The following PTPRD variants were observed in gnomAD, a reference collection of about 807,000 sequenced individuals.
The protein encoded by PTPRD is receptor-type tyrosine-protein phosphatase delta.
A neutral mutation model predicts 214.5 loss-of-function variants in PTPRD; 34 were observed. The observed-to-expected ratio is 0.16, with a 90% CI of 0.12 to 0.21. The LOEUF is 0.21. PTPRD is among the 10% of genes least tolerant of loss of function. The probability of loss-of-function intolerance (pLI) is 1.00; values close to 1 mark genes in which losing one functional copy is unlikely to be tolerated. For missense variants in PTPRD, 2,545 were observed against 2,398.7 expected (o/e 1.06, Z -1.27); for synonymous variants, 1,128 against 845.7 (o/e 1.33, Z -5.79).
At chr9:8,322,805 C>T (rs1403313347) in intron 44 of PTPRD, among the ~76,000 whole-genome samples, 1 of 152,124 alleles carries the variant, frequency 6.6e-6, no homozygotes, top group South Asian at 2.1e-4. Flanking sequence ...ACTTTGATAG[C>T]TACAGAGGAG....
intron 3 of PTPRD, among the ~76,000 whole-genome samples, chr9:10,321,899 A>G (rs766119369): frequency 6.6e-6 from 1 of 152,046 alleles, no homozygotes; most frequent in African/African-American, 2.4e-5. Context: ...AAGCATTTTA[A>G]CTTTGAAATG....
intron 7 of PTPRD, among the ~76,000 whole-genome samples, chr9:9,631,333 A>G (rs1209940325): frequency 6.6e-6 from 1 of 152,174 alleles, no homozygotes; most frequent in Non-Finnish European, 1.5e-5. Context: ...GCAGCAAGAT[A>G]CAGCTGAAGG....
chr9:8,909,407 A>G (rs544126466), intron 11 of PTPRD, among the ~76,000 whole-genome samples: 85 of 152,326 alleles, frequency 5.6e-4, no homozygotes, highest in African/African-American at 2.0e-3. Context: ...TGAATTATAT[A>G]TATTGATCGA....
chr9:9,916,230 G>C (rs552849106), intron 5 of PTPRD, among the ~76,000 whole-genome samples: 4 of 152,062 alleles, frequency 2.6e-5, no homozygotes, highest in Admixed American at 2.0e-4. Context: ...ATGTTCAAGA[G>C]AATTGTAGCT....
intron 11 of PTPRD, among the ~76,000 whole-genome samples, chr9:8,942,084 G>A (rs1462301775): frequency 6.6e-6 from 1 of 152,158 alleles, no homozygotes; most frequent in Non-Finnish European, 1.5e-5. Context: ...GGAATTACAG[G>A]CGTGAGCCAC....
chr9:9,158,242 A>T (rs1249317315), intron 10 of PTPRD, among the ~76,000 whole-genome samples: 3 of 152,194 alleles, frequency 2.0e-5, no homozygotes, highest in African/African-American at 7.2e-5. Context: ...CTGTAGTGGG[A>T]TTGCTGGGTC....
chr9:8,490,057 T>G (rs948840600), intron 27 of PTPRD, among the ~76,000 whole-genome samples: 2 of 152,124 alleles, frequency 1.3e-5, no homozygotes, highest in African/African-American at 2.4e-5. Context: ...CTTTTATAAG[T>G]CATGCCAGCT....
chr9:10,440,997 A>G (rs2098754505), intron 2 of PTPRD, among the ~76,000 whole-genome samples: 1 of 151,762 alleles, frequency 6.6e-6, no homozygotes, highest in African/African-American at 2.4e-5. Context: ...ACTTCAAAGA[A>G]ATAGCAAAAA....
intron 3 of PTPRD, among the ~76,000 whole-genome samples, chr9:10,262,016 C>G (rs765960969): frequency 6.6e-6 from 1 of 151,774 alleles, no homozygotes; most frequent in African/African-American, 2.4e-5. Flanking sequence ...TTTGATTGCC[C>G]CACAATCAAA....
chr9:9,939,093 T>G (rs1456381613), intron 4 of PTPRD, among the ~76,000 whole-genome samples: 1 of 152,142 alleles, frequency 6.6e-6, no homozygotes, highest in African/African-American at 2.4e-5. Context: ...TTTATGCCTA[T>G]GCTCTTTTGT....
In PTPRD at chr9:8,518,197, G is replaced by C; in HGVS notation, c.1194C>G (p.Asn398Lys). 6.2e-7 allele frequency: 1 copy of C among 1,614,158 alleles called. No individual in the cohort carries two copies. Among genetic ancestry groups the C allele is most frequent in the Non-Finnish European group, 8.5e-7 (1 of 1,180,012 alleles). ...GTTCGCTGGGAGGCCCCCGCCCAAT[G>C]TTATTGACAGCAACAACCCTGAATT... The part of the protein sequence containing the change: ...DYEFRVVAVN[N>K]IGRGPPSEPV... The change falls in exon 21 of 46, where the codon AAC (asparagine) becomes AAG (lysine). Residue 398 changes from asparagine to lysine, a missense_variant. Coordinates refer to ENST00000381196, the MANE Select transcript of PTPRD (RefSeq NM_002839.4).
intron 14 of PTPRD, among the ~76,000 whole-genome samples, chr9:8,581,348 G>C (rs1475437732): frequency 6.6e-6 from 1 of 152,134 alleles, no homozygotes; most frequent in African/African-American, 2.4e-5. Flanking sequence ...AGGACTGACA[G>C]AACTAAATTC....
chr9:9,245,734 C>A (rs369428258), intron 9 of PTPRD, among the ~76,000 whole-genome samples: 1 of 152,074 alleles, frequency 6.6e-6, no homozygotes, highest in Non-Finnish European at 1.5e-5. Context: ...CAAACCTGCA[C>A]GTTGTGCACA....
chr9:9,342,901 C>G (rs544035531), intron 9 of PTPRD, among the ~76,000 whole-genome samples: 3 of 152,014 alleles, frequency 2.0e-5, no homozygotes, highest in African/African-American at 7.2e-5. Flanking sequence ...GTGATGTTCT[C>G]CTCCCTGTAT....
In PTPRD at chr9:8,958,024, A is replaced by G. The variant is rs974762014; in HGVS notation, c.-104+60673T>C. Reference sequence around the variant, plus strand: ...TAGCAGGGGAAGAACCATTAGTTACATGCTCCTTAAAACGTAATGCTAATC... The same window carrying G: ...TAGCAGGGGAAGAACCATTAGTTACGTGCTCCTTAAAACGTAATGCTAATC... On this transcript the variant is annotated intron_variant, in intron 11 of 45. Transcript: ENST00000381196. Among the ~76,000 whole-genome samples, 4 of 152,074 alleles carry G rather than the reference A, an allele frequency of 2.6e-5. No homozygotes were observed. In the East Asian group the frequency reaches 7.7e-4, roughly 29 times the overall value.
At chr9:10,534,427 T>C (rs555990825) in intron 2 of PTPRD, among the ~76,000 whole-genome samples, 20 of 152,236 alleles carry the variant, frequency 1.3e-4, no homozygotes, top group African/African-American at 4.8e-4. Context: ...AAGTTTACTT[T>C]AAAATGATGA....
intron 2 of PTPRD, among the ~76,000 whole-genome samples, chr9:10,414,120 T>G (rs984996121): frequency 6.6e-6 from 1 of 151,882 alleles, no homozygotes. Context: ...CTAATTAAAC[T>G]TAAGAGCTTG....
intron 12 of PTPRD, among the ~76,000 whole-genome samples, chr9:8,656,902 G>T (rs558499491): frequency 6.6e-6 from 1 of 152,146 alleles, no homozygotes; most frequent in Non-Finnish European, 1.5e-5. Flanking sequence ...AAGAAAACTG[G>T]AACACCCTGA....
chr9:9,326,712 G>A (rs1344494183), intron 9 of PTPRD, among the ~76,000 whole-genome samples: 1 of 151,776 alleles, frequency 6.6e-6, no homozygotes, highest in East Asian at 1.9e-4. Context: ...GAAAATAAAT[G>A]TCAGGGATTG....
Sources: gnomAD v4.1 joint callset for allele counts (sites outside exome capture counted in the v4.1 genomes callset) on GRCh38, gnomAD v4.1.1 for gene constraint, MANE v1.5 for transcripts, NCBI Gene and HGNC (gene_info 2026-07-23, HGNC 2026-07-21) for gene names.